The following PREX2 variants were observed in gnomAD, a reference collection of about 807,000 sequenced individuals.
PREX2 encodes the protein phosphatidylinositol 3,4,5-trisphosphate-dependent Rac exchanger 2 protein.
PREX2 carries 107 observed loss-of-function variants against 203.2 expected under a neutral mutation model. That is an observed-to-expected ratio of 0.53 (90% CI 0.45 to 0.62). The LOEUF (loss-of-function observed/expected upper bound fraction) is 0.62, where lower values mean the gene tolerates loss of function less well. Ranked by LOEUF, PREX2 falls within the 20% of genes least tolerant of loss-of-function variation. PREX2 has a pLI of 0.00. For missense variants in PREX2, 1,777 were observed against 1,955.9 expected (o/e 0.91, Z 1.72); for synonymous variants, 672 against 663.6 (o/e 1.01, Z -0.19).
At chr8:68,126,916 GTA>G (rs143838944) in intron 30 of PREX2, among the ~76,000 whole-genome samples, 6,609 of 151,110 alleles carry the variant, frequency 0.044, 419 homozygotes, top group African/African-American at 0.14. Flanking sequence ...ACGTGTGTGT[GTA>G]TATATATATA....
intron 18 of PREX2, among the ~76,000 whole-genome samples, chr8:68,084,246 A>G (rs1809616019): frequency 6.6e-6 from 1 of 152,176 alleles, no homozygotes. Flanking sequence ...ATATATCAAA[A>G]TTATTGTTTA....
rs200820045 is a variant in PREX2 at position 68,054,375 on chromosome 8, A to C, written c.1093+1129A>C. Among the ~76,000 whole-genome samples the C allele has an allele frequency of 7.9e-4, 93 of 117,386 alleles. No homozygotes were observed. In the East Asian group the frequency reaches 0.013, roughly 17 times the overall value. 77.0% of individuals were successfully genotyped at this position (117,386 alleles called of 152,430 possible). A position where few individuals can be genotyped will look rare whatever the true frequency, so the allele number is the denominator to read the frequency against. On this transcript the variant is annotated intron_variant, in intron 9 of 39. Transcript: ENST00000288368. ...TAAGCACCCAAGAGAAAAAAACAAAACAAAATAAAAACCCCCAAACGAGAA... is the reference window on the plus strand; with the variant it reads ...TAAGCACCCAAGAGAAAAAAACAAACCAAAATAAAAACCCCCAAACGAGAA...
chr8:68,136,881 C>T (rs936827949), intron 32 of PREX2, among the ~76,000 whole-genome samples: 6 of 151,966 alleles, frequency 3.9e-5, no homozygotes, highest in Admixed American at 6.6e-5. Flanking sequence ...TGATGCTGCC[C>T]CCAGATTTGG....
chr8:68,009,708 A>G (rs923875751), intron 1 of PREX2, among the ~76,000 whole-genome samples: 6 of 152,358 alleles, frequency 3.9e-5, no homozygotes, highest in African/African-American at 1.4e-4. Flanking sequence ...TCCATCTGAC[A>G]TTAAGTTTGT....
intron 1 of PREX2, among the ~76,000 whole-genome samples, chr8:67,967,712 C>T (rs1034278360): frequency 6.6e-6 from 1 of 152,154 alleles, no homozygotes. Context: ...TAATCCCAGA[C>T]GTGAGTTAAA....
At chr8:68,107,350 A>G (rs1409591822) in intron 23 of PREX2, among the ~76,000 whole-genome samples, 2 of 152,116 alleles carry the variant, frequency 1.3e-5, no homozygotes, top group Non-Finnish European at 2.9e-5. Flanking sequence ...AAAGCTTGAG[A>G]TAGAGAAGTT....
intron 37 of PREX2, among the ~76,000 whole-genome samples, chr8:68,204,254 A>C (rs756224871): frequency 7.2e-5 from 11 of 152,330 alleles, no homozygotes; most frequent in Non-Finnish European, 1.6e-4. Flanking sequence ...AATCACCTCT[A>C]TGCTAACCTC....
chr8:68,174,396 G>A (rs537720170), intron 35 of PREX2, among the ~76,000 whole-genome samples: 1 of 152,088 alleles, frequency 6.6e-6, no homozygotes, highest in Admixed American at 6.6e-5. Flanking sequence ...CTTCAAGTAG[G>A]GGCACAGTTC....
chr8:68,118,126 T>A (rs1424535145), intron 26 of PREX2, among the ~76,000 whole-genome samples: 1 of 151,988 alleles, frequency 6.6e-6, no homozygotes, highest in Non-Finnish European at 1.5e-5. Flanking sequence ...GAGGCCGAGG[T>A]GGGCGGATCA....
intron 25 of PREX2, among the ~76,000 whole-genome samples, chr8:68,112,627 A>G (rs1810557612): frequency 6.6e-6 from 1 of 152,206 alleles, no homozygotes; most frequent in South Asian, 2.1e-4. Flanking sequence ...AGGCAAGATT[A>G]CATTATTATA....
rs543924613 is a variant in PREX2 at position 68,014,837 on chromosome 8, G to A, written c.142-3009G>A. ...ACCAACTACATCAGAATCGCATAGAGGTCCTGCTCAAAATGTAGATTTCTG... is the reference window on the plus strand; with the variant it reads ...ACCAACTACATCAGAATCGCATAGAAGTCCTGCTCAAAATGTAGATTTCTG... On this transcript the variant is annotated intron_variant, in intron 1 of 39. Transcript: ENST00000288368. Among the ~76,000 whole-genome samples, 196 of 152,278 alleles carry A rather than the reference G, an allele frequency of 1.3e-3. 2 individuals carry two copies. The highest frequency in any genetic ancestry group is 1.5e-3 in the Non-Finnish European group (100 of 68,018).
chr8:68,170,377 C>T (rs139128983), intron 35 of PREX2, among the ~76,000 whole-genome samples: 1 of 152,348 alleles, frequency 6.6e-6, no homozygotes, highest in East Asian at 1.9e-4. Flanking sequence ...TTAAAGTTTG[C>T]ACAAGGCAGT....
intron 1 of PREX2, among the ~76,000 whole-genome samples, chr8:67,960,203 A>G (rs1239142698): frequency 1.3e-5 from 2 of 152,036 alleles, no homozygotes; most frequent in African/African-American, 4.8e-5. Flanking sequence ...CACAATGCCC[A>G]GCTAACTTTT....
At chr8:68,175,890 T>G (rs1442057774) in intron 35 of PREX2, among the ~76,000 whole-genome samples, 1 of 152,036 alleles carries the variant, frequency 6.6e-6, no homozygotes, top group African/African-American at 2.4e-5. Context: ...AATGTTTTAA[T>G]AGAATAAAGC....
intron 22 of PREX2, among the ~76,000 whole-genome samples, chr8:68,097,762 CTTCACAGCATTTA>C (rs1810128984): frequency 6.6e-6 from 1 of 152,232 alleles, no homozygotes; most frequent in East Asian, 1.9e-4. Flanking sequence ...ATGGCAAAGA[CTTCACAGCATTTA>C]AGTTTGCTGT....
intron 38 of PREX2, chr8:68,223,327 G>A (rs1812994331): frequency 6.6e-6 from 1 of 152,166 alleles, no homozygotes; most frequent in African/African-American, 2.4e-5. Flanking sequence ...TTAAAGACTG[G>A]TTAAGTGCAG....
chr8:68,178,032 T>C (rs1245647169), intron 35 of PREX2, among the ~76,000 whole-genome samples: 1 of 152,218 alleles, frequency 6.6e-6, no homozygotes, highest in Non-Finnish European at 1.5e-5. Flanking sequence ...CTTTATCCAG[T>C]CTATCACTGA....
In PREX2 at chr8:68,233,560, C is replaced by T. The variant is rs1813210448; in HGVS notation, c.*2182C>T. 6.6e-6 allele frequency: 1 copy of T among 152,166 alleles called. No homozygotes were observed. The highest frequency in any genetic ancestry group is 1.5e-5 in the Non-Finnish European group (1 of 68,032). The allele number at this position is 152,166 out of a possible 1,614,324, so 9.4% of individuals were successfully genotyped here. A position where few individuals can be genotyped will look rare whatever the true frequency, so the allele number is the denominator to read the frequency against. ...TAATGGTTTATATTAACATCAGTCA[C>T]TCTAACTTCTGATCGTAATAAAAAT... On this transcript the variant is annotated 3_prime_UTR_variant, in exon 40 of 40. Transcript: ENST00000288368.
chr8:68,063,171 A>G (rs1041368982), intron 11 of PREX2, among the ~76,000 whole-genome samples: 2 of 152,238 alleles, frequency 1.3e-5, no homozygotes, highest in Non-Finnish European at 2.9e-5. Flanking sequence ...GCTAACAAGC[A>G]TATATAATAA....
Sources: allele counts gnomAD v4.1 joint callset (sites outside exome capture counted in the v4.1 genomes callset), GRCh38; gene constraint gnomAD v4.1.1; transcripts MANE v1.5; gene names NCBI Gene and HGNC (gene_info 2026-07-23, HGNC 2026-07-21).